The following C5 variants were observed in gnomAD, a reference collection of about 807,000 sequenced individuals.
The protein encoded by C5 is C3 and PZP-like alpha-2-macroglobulin domain-containing protein 4.
A neutral mutation model predicts 218.8 loss-of-function variants in C5; 140 were observed. The ratio of observed to expected loss-of-function variants is 0.64; its 90% CI spans 0.56 to 0.74. C5 has a LOEUF of 0.74. Among genes scored for constraint, C5 ranks in the 30% least tolerant of loss-of-function variants. The probability of loss-of-function intolerance (pLI) is 0.00; values close to 1 mark genes in which losing one functional copy is unlikely to be tolerated. For missense variants in C5, 1,700 were observed against 1,969.6 expected (o/e 0.86, Z 2.59); for synonymous variants, 614 against 682.3 (o/e 0.90, Z 1.56).
intron 38 of C5, among the ~76,000 whole-genome samples, chr9:120,957,626 AAAAC>A (rs755343186): frequency 2.6e-5 from 4 of 152,254 alleles, no homozygotes; most frequent in African/African-American, 7.2e-5. Context: ...AGAAGCACAT[AAAAC>A]AAACAAACAA....
At chr9:120,967,812 C>T (rs2046880394) in intron 33 of C5, among the ~76,000 whole-genome samples, 1 of 152,036 alleles carries the variant, frequency 6.6e-6, no homozygotes, top group Non-Finnish European at 1.5e-5. Flanking sequence ...GCCTCAACCT[C>T]CTGGGCTCAA....
intron 20 of C5, among the ~76,000 whole-genome samples, chr9:121,000,411 C>A (rs2047151677): frequency 1.3e-5 from 2 of 152,106 alleles, no homozygotes; most frequent in South Asian, 4.1e-4. Flanking sequence ...TACAATATAA[C>A]CACAAATCTA....
chr9:121,072,631 ACT>A, the C5 span, among the ~76,000 whole-genome samples: 7 of 151,932 alleles, frequency 4.6e-5, no homozygotes, highest in African/African-American at 7.3e-5. Flanking sequence ...ACATGGTGAA[ACT>A]CTGTTTCTAC....
At chr9:121,046,160 T>C (rs2047625151) in intron 2 of C5, 31 bp downstream of exon 2, 1 of 1,109,446 alleles carries the variant, frequency 9.0e-7, no homozygotes. Context: ...TCTGTATATA[T>C]ATATAAAGAA....
chr9:120,993,437 T>TC (rs1564143163), intron 22 of C5, among the ~76,000 whole-genome samples: 2 of 144,558 alleles, frequency 1.4e-5, no homozygotes, highest in Non-Finnish European at 3.1e-5. Context: ...ATATATATAT[T>TC]TTTGAGACGG....
At chr9:121,073,718 T>C in the C5 span, among the ~76,000 whole-genome samples, 1 of 152,206 alleles carries the variant, frequency 6.6e-6, no homozygotes, top group East Asian at 1.9e-4. Context: ...TTCACCTTGT[T>C]GGCCAGGCTG....
At chr9:120,995,546 T>C (rs908210470) in intron 22 of C5, among the ~76,000 whole-genome samples, 1 of 152,150 alleles carries the variant, frequency 6.6e-6, no homozygotes, top group Non-Finnish European at 1.5e-5. Context: ...AGTGATTAAT[T>C]AGCATTATTA....
At chr9:121,049,962 G>A (rs1237090136) in intron 1 of C5, among the ~76,000 whole-genome samples, 6 of 151,860 alleles carry the variant, frequency 4.0e-5, no homozygotes, top group Non-Finnish European at 4.4e-5. Context: ...ATCACTTAAC[G>A]TAAATTTTAA....
At chr9:121,065,857 G>A in the C5 span, among the ~76,000 whole-genome samples, 2 of 151,934 alleles carry the variant, frequency 1.3e-5, no homozygotes, top group Non-Finnish European at 2.9e-5. Context: ...ATATACCCAA[G>A]ATAATCAGCA....
chr9:120,999,845 A>T (rs2047145293), intron 20 of C5: 1 of 432,282 alleles, frequency 2.3e-6, no homozygotes, highest in South Asian at 1.6e-5. Context: ...ATGCACTGAA[A>T]ATTTAAAGAT....
At chr9:120,974,107 G>A (rs1287626280) in intron 30 of C5, among the ~76,000 whole-genome samples, 2 of 152,144 alleles carry the variant, frequency 1.3e-5, no homozygotes, top group Non-Finnish European at 2.9e-5. Context: ...ACAGTAATTA[G>A]AAAAATATGT....
chr9:120,965,510 ACT>A (rs2046860259), intron 33 of C5, among the ~76,000 whole-genome samples: 1 of 149,350 alleles, frequency 6.7e-6, no homozygotes, highest in Non-Finnish European at 1.5e-5. Flanking sequence ...ACTGAGCAAG[ACT>A]CTGCCTCAAA....
chr9:120,964,981 G>A (rs1027662103), intron 33 of C5, among the ~76,000 whole-genome samples: 2 of 152,130 alleles, frequency 1.3e-5, no homozygotes, highest in African/African-American at 4.8e-5. Context: ...CAGACGGAGT[G>A]TGATTCTGTA....
rs938164678 is a variant in C5 at position 120,963,740 on chromosome 9, T to C, written c.4221-2A>G. ...GATTCTTCCCTGCTGGGCTTGTAGC[T>C]AAAATAAAAAAGAGGTTAGAAAATA... On this transcript the variant is annotated splice_acceptor_variant, in intron 33 of 40. Coordinates refer to ENST00000223642, the MANE Select transcript of C5 (RefSeq NM_001735.3). LOFTEE classifies it high-confidence loss of function. The C allele has an allele frequency of 4.4e-6, 7 of 1,606,992 alleles. No individual in the cohort carries two copies. The highest frequency in any genetic ancestry group is 6.0e-6 in the Non-Finnish European group (7 of 1,173,906).
In C5 at chr9:120,974,902, C is replaced by T. The variant is rs145493840; in HGVS notation, c.3894G>A (p.Thr1298=). The T allele has an allele frequency of 7.4e-5, 120 of 1,614,038 alleles. No individual in the cohort carries two copies. The highest frequency in any genetic ancestry group is 9.0e-5 in the Non-Finnish European group (106 of 1,180,034). ...GTTGTTTAACCAGGAGTGAATATTCCGTCAGGCCCTCAATGGCATTGATTG... is the reference window on the plus strand; with the variant it reads ...GTTGTTTAACCAGGAGTGAATATTCTGTCAGGCCCTCAATGGCATTGATTG... The part of the protein sequence containing the change: ...QDTINAIEGL[T]EYSLLVKQLR... The change falls in exon 30 of 41, where the codon ACG becomes ACA. Residue 1298 remains threonine (T), a synonymous_variant. Coordinates refer to ENST00000223642, the MANE Select transcript of C5 (RefSeq NM_001735.3).
In C5 at chr9:121,030,420, A is replaced by G. The variant is rs1373861056; in HGVS notation, c.735T>C (p.Asn245=). 1 of 1,520,406 alleles carries G rather than the reference A, an allele frequency of 6.6e-7. No homozygotes were observed. The highest frequency in any genetic ancestry group is 1.4e-5 in the African/African-American group (1 of 72,016). 94.2% of individuals were successfully genotyped at this position (1,520,406 alleles called of 1,614,324 possible). ...YNFIGYKNFK[N]FEITIKARYF... is the part of the protein sequence containing the mutation. ...ACCTTGCTTTTATAGTAATTTCAAA[A>G]TTCTTAAAGTTCTTGTAACCAATGA... is the stretch of plus-strand genomic sequence containing the variant. Residue 245 remains asparagine (N), a synonymous_variant, in exon 7 of 41, where the codon AAT becomes AAC. Transcript: ENST00000223642.
In C5 at chr9:121,021,621, A is replaced by C. The variant is rs759245107; in HGVS notation, c.1190T>G (p.Val397Gly). ...ATCCAAGTCAGATGTCTCTTGGTTT[A>C]CATCAATTGTTTGTGCATTCAGTGT... ...PVTLNAQTIDVNQETSDLDPS... is the reference protein window; with the variant it reads ...PVTLNAQTIDGNQETSDLDPS... Residue 397 changes from valine (V) to glycine (G), a missense_variant, in exon 11 of 41, where the codon GTA becomes GGA. By Grantham distance (109) the Val-to-Gly change is moderately radical. Transcript: ENST00000223642. 1 of 1,613,874 alleles carries C rather than the reference A, an allele frequency of 6.2e-7. No individual in the cohort carries two copies. The highest frequency in any genetic ancestry group is 1.7e-5 in the Admixed American group (1 of 60,014).
chr9:121,020,905 A>T (rs192771334), intron 11 of C5, among the ~76,000 whole-genome samples: 13 of 152,336 alleles, frequency 8.5e-5, no homozygotes, highest in Admixed American at 8.5e-4. Flanking sequence ...TGTATTCTTC[A>T]TAAAGCTCTC....
chr9:121,022,895 G>A (rs1265441292), intron 10 of C5, among the ~76,000 whole-genome samples: 1 of 150,260 alleles, frequency 6.7e-6, no homozygotes, highest in Non-Finnish European at 1.5e-5. Flanking sequence ...AAGCAAAAAT[G>A]AAAAGAACAG....
Sources: allele counts gnomAD v4.1 joint callset (sites outside exome capture counted in the v4.1 genomes callset), GRCh38; gene constraint gnomAD v4.1.1; transcripts MANE v1.5; gene names NCBI Gene and HGNC (gene_info 2026-07-23, HGNC 2026-07-21).